The following UNC45A variants were observed in gnomAD, a reference collection of about 807,000 sequenced individuals.
UNC45A encodes protein unc-45 homolog A.
A neutral mutation model predicts 103.2 loss-of-function variants in UNC45A; 78 were observed. That is an observed-to-expected ratio of 0.76 (90% CI 0.63 to 0.91). UNC45A has a LOEUF of 0.91. Ranked by LOEUF, UNC45A falls within the 40% of genes least tolerant of loss-of-function variation. The probability of loss-of-function intolerance (pLI) is 0.00; values close to 1 mark genes in which losing one functional copy is unlikely to be tolerated. For synonymous variants in UNC45A, 495 were observed against 504.6 expected (o/e 0.98, Z 0.25); for missense variants, 1,193 against 1,224.8 (o/e 0.97, Z 0.39).
intron 6 of UNC45A, 146 bp from the exon 7 acceptor site, chr15:90,942,291 C>T (rs1321724009): frequency 2.2e-6 from 2 of 911,124 alleles, no homozygotes; most frequent in African/African-American, 3.3e-5. Flanking sequence ...TGGGTCATGC[C>T]ATCCATTCTG....
upstream of UNC45A, chr15:90,934,466 A>AG (rs894774494): frequency 6.5e-5 from 26 of 398,864 alleles, no homozygotes; most frequent in Non-Finnish European, 1.1e-4. Flanking sequence ...TGCAGGCTGC[A>AG]GGGGGCTCCT....
At chr15:90,948,889 T>G in intron 13 of UNC45A, 95 bp downstream of exon 13, 3 of 1,406,186 alleles carry the variant, frequency 2.1e-6, no homozygotes, top group Non-Finnish European at 1.9e-6. Flanking sequence ...TTTTTTTTTT[T>G]TTTTTTTGAG....
Position 90,942,940 on chromosome 15 carries a change from C to G in UNC45A, c.885C>G (p.Ile295Met). The G allele has an allele frequency of 6.2e-7, 1 of 1,612,908 alleles. No individual in the cohort carries two copies. Among genetic ancestry groups the G allele is most frequent in the Middle Eastern group, 1.7e-4 (1 of 6,054 alleles). The change falls in exon 8 of 20, where the codon ATC becomes ATG. Residue 295 changes from isoleucine (I) to methionine (M), a missense_variant. Transcript: ENST00000418476. The stretch of plus-strand genomic sequence containing the variant: ...CTGCCCGGGAGCTGAAGGTCCTCAT[C>G]AGTAACCTCTTAGATCTGCTGACAG... ...VDPARELKVL[I>M]SNLLDLLTEV...
intron 17 of UNC45A, among the ~76,000 whole-genome samples, chr15:90,951,090 C>T (rs2036884083): frequency 1.3e-5 from 2 of 152,200 alleles, no homozygotes; most frequent in Admixed American, 6.5e-5. Flanking sequence ...TCACCGCAAC[C>T]TCTGCCTCCC....
rs774212444 is a variant in UNC45A at position 90,953,546 on chromosome 15, A to G, written c.2665A>G (p.Met889Val). 1.5e-5 allele frequency: 25 copies of G among 1,613,994 alleles called. No individual in the cohort carries two copies. Among genetic ancestry groups the G allele is most frequent in the Non-Finnish European group, 2.1e-5 (25 of 1,180,044 alleles). Residue 889 changes from methionine to valine, a missense_variant, in exon 20 of 20, where the codon ATG (methionine) becomes GTG (valine). Coordinates refer to ENST00000418476, the MANE Select transcript of UNC45A (RefSeq NM_018671.5). ...CCGGGGTGCTGTGGTGGTGCTGAACATGGTGGAGGCCTCGAGGGAGATTGC... is the reference window on the plus strand; with the variant it reads ...CCGGGGTGCTGTGGTGGTGCTGAACGTGGTGGAGGCCTCGAGGGAGATTGC... ...QHRGAVVVLN[M>V]VEASREIAST...
upstream of UNC45A, chr15:90,935,252 G>C: frequency 6.9e-7 from 1 of 1,449,300 alleles, no homozygotes. Context: ...GGCAGCTGCC[G>C]GTGGCGTCCC....
chr15:90,946,008 G>C (rs1197654928), intron 9 of UNC45A, among the ~76,000 whole-genome samples: 1 of 151,498 alleles, frequency 6.6e-6, no homozygotes, highest in Non-Finnish European at 1.5e-5. Context: ...CCAGCACTTT[G>C]GGAGGTGGAG....
chr15:90,935,648 G>A lies in UNC45A; in HGVS notation c.156G>A (p.Ala52=). Reference sequence around the variant, plus strand: ...ACACTCAGGCCCTGGGTCTGGACGCGACGCCCCAGGACCAGGCCGTTCTGC... The same window carrying A: ...ACACTCAGGCCCTGGGTCTGGACGCAACGCCCCAGGACCAGGCCGTTCTGC... ...AAYTQALGLD[A]TPQDQAVLHR... Residue 52 remains alanine, a synonymous_variant, in exon 2 of 20, where the codon GCG becomes GCA. Coordinates refer to ENST00000418476, the MANE Select transcript of UNC45A (RefSeq NM_018671.5). 6.2e-7 allele frequency: 1 copy of A among 1,607,916 alleles called. No individual in the cohort carries two copies. The highest frequency in any genetic ancestry group is 1.7e-4 in the Middle Eastern group (1 of 5,992).
chr15:90,941,976 A>C (rs974840571), intron 6 of UNC45A, among the ~76,000 whole-genome samples: 1 of 150,588 alleles, frequency 6.6e-6, no homozygotes, highest in African/African-American at 2.4e-5. Flanking sequence ...AAAAAAAAAA[A>C]GAAAAAAGAA....
intron 7 of UNC45A, 133 bp from the exon 8 acceptor site, chr15:90,942,779 A>G: frequency 1.3e-6 from 2 of 1,488,104 alleles, no homozygotes; most frequent in Non-Finnish European, 1.8e-6. Context: ...CTCAGGACAA[A>G]GCTGGAGCTC....
chr15:90,952,276 C>T (rs2036956800), intron 17 of UNC45A: 1 of 152,480 alleles, frequency 6.6e-6, no homozygotes, highest in South Asian at 2.1e-4. Flanking sequence ...CTTCCTGGCT[C>T]TACAGGCTGT....
At chr15:90,946,203 G>A (rs1249682450) in intron 9 of UNC45A, among the ~76,000 whole-genome samples, 1 of 146,864 alleles carries the variant, frequency 6.8e-6, no homozygotes, top group Non-Finnish European at 1.5e-5. Flanking sequence ...GCAGTGAGCC[G>A]AGATCACGCC....
chr15:90,932,342 C>A, upstream of UNC45A: 1 of 857,734 alleles, frequency 1.2e-6, no homozygotes, highest in East Asian at 3.0e-5. Context: ...AAAACAGGTG[C>A]TCAATGAGGT....
Position 90,939,769 on chromosome 15 carries a change from G to T in UNC45A, c.465G>T (p.Gln155His), listed in dbSNP as rs763881079. ...CCTCGACGGATGCCAAAGTGGAACAGATGTTTCAGATACTGTTGGACCCAG... is the reference window on the plus strand; with the variant it reads ...CCTCGACGGATGCCAAAGTGGAACATATGTTTCAGATACTGTTGGACCCAG... ...YMSSTDAKVEQMFQILLDPEE... is the reference protein window; with the variant it reads ...YMSSTDAKVEHMFQILLDPEE... The change falls in exon 5 of 20, where the codon CAG (glutamine) becomes CAT (histidine). Residue 155 changes from glutamine (Q) to histidine (H), a missense_variant. Transcript: ENST00000418476. 12 of 1,614,210 alleles carry T rather than the reference G, an allele frequency of 7.4e-6. No individual in the cohort carries two copies. The highest frequency in any genetic ancestry group is 1.3e-5 in the African/African-American group (1 of 75,058).
chr15:90,944,909 G>C lies in UNC45A; in HGVS notation c.1045G>C (p.Glu349Gln), dbSNP rs777967262. 10 of 1,612,092 alleles carry C rather than the reference G, an allele frequency of 6.2e-6. No individual in the cohort carries two copies. In the East Asian group the frequency reaches 2.0e-4, roughly 32 times the overall value. Residue 349 changes from glutamate to glutamine, a missense_variant, in exon 9 of 20, where the codon GAA (glutamate) becomes CAA (glutamine). Transcript: ENST00000418476. ...CTTTACAGGTCTGAAAAAGATTTTG[G>C]AAGTGGGGGGCTCTCTACAGGACCC... ...VIDQGLKKIL[E>Q]VGGSLQDPPG...
upstream of UNC45A, chr15:90,932,403 C>A: frequency 7.8e-7 from 1 of 1,290,312 alleles, no homozygotes; most frequent in East Asian, 3.1e-5. Flanking sequence ...GTGCCGCAGC[C>A]GGCGCTCCGC....
At chr15:90,932,068 A>G (rs1250275273), upstream of UNC45A, 16 of 1,611,764 alleles carry the variant, frequency 9.9e-6, no homozygotes, top group Non-Finnish European at 1.4e-5. Context: ...TAACACCACA[A>G]TGTCAGTGAT....
chr15:90,939,693 G>A (rs773505814), intron 4 of UNC45A, 38 bp from the exon 5 acceptor site: 4 of 1,609,498 alleles, frequency 2.5e-6, no homozygotes, highest in East Asian at 2.2e-5. Context: ...CTCTGGCCAA[G>A]AGCCGTGATT....
chr15:90,939,476 C>A (rs2036180307), intron 4 of UNC45A, among the ~76,000 whole-genome samples: 1 of 152,222 alleles, frequency 6.6e-6, no homozygotes, highest in African/African-American at 2.4e-5. Flanking sequence ...TACCTCCCCT[C>A]CGAAAAGGCA....
Sources: allele counts gnomAD v4.1 joint callset (sites outside exome capture counted in the v4.1 genomes callset), GRCh38; gene constraint gnomAD v4.1.1; transcripts MANE v1.5; gene names NCBI Gene and HGNC (gene_info 2026-07-23, HGNC 2026-07-21).